Variants in C3orf33 observed in about 807,000 individuals in gnomAD.
The protein encoded by C3orf33 is mitochondrial inner membrane subdomain organizer 1, also known as AP-1 activity suppressor.
C3orf33 carries 23 observed loss-of-function variants against 28.7 expected under a neutral mutation model. The observed-to-expected ratio is 0.80, with a 90% confidence interval of 0.58 to 1.13. The LOEUF is 1.13. C3orf33 is among the 50% of genes most tolerant of loss of function. The pLI, the probability that C3orf33 is intolerant of heterozygous loss-of-function variation, is 0.00. For missense variants in C3orf33, 327 were observed against 353.4 expected (o/e 0.93, Z 0.60); for synonymous variants, 119 against 120.5 (o/e 0.99, Z 0.08).
At chr3:155,802,711 G>T in intron 1 of C3orf33, 120 bp from the exon 2 acceptor site, 1 of 683,270 alleles carries the variant, frequency 1.5e-6, no homozygotes, top group South Asian at 1.9e-5. Context: ...TATAAACAAT[G>T]TATGTCTTTC....
At chr3:155,793,829 T>TAAAAAAAA (rs1751391618) in intron 2 of C3orf33, among the ~76,000 whole-genome samples, 1,580 of 84,380 alleles carry the variant, frequency 0.019, 301 homozygotes, top group South Asian at 0.029. Flanking sequence ...AAAAAAAAAC[T>TAAAAAAAA]AAAAAAACTA....
At chr3:155,805,158 T>A (rs1751771559) in intron 1 of C3orf33, among the ~76,000 whole-genome samples, 1 of 141,784 alleles carries the variant, frequency 7.1e-6, no homozygotes, top group South Asian at 2.2e-4. Flanking sequence ...GTGCTTCACT[T>A]AAAAAAAAAA....
chr3:155,793,825 AAACT>A (rs1301136295), intron 2 of C3orf33, among the ~76,000 whole-genome samples: 5 of 104,442 alleles, frequency 4.8e-5, no homozygotes, highest in African/African-American at 1.5e-4. Flanking sequence ...AAAAAAAAAA[AAACT>A]AAAAAAACTA....
intron 3 of C3orf33, among the ~76,000 whole-genome samples, chr3:155,775,447 C>T (rs1229577473): frequency 6.6e-6 from 1 of 151,194 alleles, no homozygotes; most frequent in African/African-American, 2.4e-5. Context: ...CGAAATTGCA[C>T]CATTGCACTC....
intron 2 of C3orf33, among the ~76,000 whole-genome samples, chr3:155,789,629 A>G (rs1751250420): frequency 6.6e-6 from 1 of 152,162 alleles, no homozygotes; most frequent in African/African-American, 2.4e-5. Flanking sequence ...CCTCAAATTC[A>G]TGTGGAATCA....
chr3:155,785,718 C>T (rs1299885334), intron 2 of C3orf33, among the ~76,000 whole-genome samples: 1 of 152,060 alleles, frequency 6.6e-6, no homozygotes, highest in Non-Finnish European at 1.5e-5. Context: ...AAATGTGTAA[C>T]TGTAAATGCT....
intron 2 of C3orf33, among the ~76,000 whole-genome samples, chr3:155,778,141 C>CAAAAAAAAAAAAAAAAAAAAAAAAAAAA (rs55700532): frequency 1.3e-5 from 1 of 75,788 alleles, no homozygotes; most frequent in Non-Finnish European, 2.3e-5. Flanking sequence ...AACTCCATTT[C>CAAAAAAAAAAAAAAAAAAAAAAAAAAAA]AAAAAAAAAA....
intron 2 of C3orf33, among the ~76,000 whole-genome samples, chr3:155,796,885 A>T (rs1434498343): frequency 6.6e-6 from 1 of 152,242 alleles, no homozygotes; most frequent in East Asian, 1.9e-4. Flanking sequence ...GATGTGATAC[A>T]TCATATTGAC....
chr3:155,764,580 C>T (rs1220662805), intron 4 of C3orf33, among the ~76,000 whole-genome samples: 5 of 151,220 alleles, frequency 3.3e-5, no homozygotes, highest in African/African-American at 4.9e-5. Context: ...TGGCGGGGCG[C>T]GGTGGCTCAT....
At chr3:155,793,580 A>T (rs1282578673) in intron 2 of C3orf33, among the ~76,000 whole-genome samples, 3 of 151,820 alleles carry the variant, frequency 2.0e-5, no homozygotes. Context: ...GAGGCCGAGG[A>T]GGGCAGATAA....
chr3:155,763,437 A>G lies in C3orf33; in HGVS notation c.*80T>C. On this transcript the variant is annotated 3_prime_UTR_variant, in exon 5 of 5. Coordinates refer to ENST00000340171, the MANE Select transcript of C3orf33 (RefSeq NM_001308229.2). The stretch of plus-strand genomic sequence containing the variant: ...ACTTTGATCATTTGGCAAAACTTCC[A>G]TTTTGATTCAATGAAAAACGTCCAT... 1.8e-6 allele frequency: 2 copies of G among 1,116,008 alleles called. No homozygotes were observed. The highest frequency in any genetic ancestry group is 2.9e-5 in the East Asian group (1 of 34,202). The allele number at this position is 1,116,008 out of a possible 1,614,324, so 69.1% of individuals were successfully genotyped here. A position where few individuals can be genotyped will look rare whatever the true frequency, so the allele number is the denominator to read the frequency against.
At chr3:155,793,014 T>C (rs1284443717) in intron 2 of C3orf33, among the ~76,000 whole-genome samples, 1 of 151,946 alleles carries the variant, frequency 6.6e-6, no homozygotes, top group African/African-American at 2.4e-5. Context: ...CGAAAGACGA[T>C]CACTACAACA....
chr3:155,779,419 T>G (rs1358046177), intron 2 of C3orf33, among the ~76,000 whole-genome samples: 1 of 152,090 alleles, frequency 6.6e-6, no homozygotes, highest in African/African-American at 2.4e-5. Context: ...TGCAGCCTCC[T>G]GAGTAGCTGG....
intron 2 of C3orf33, among the ~76,000 whole-genome samples, chr3:155,800,640 A>C (rs1193389766): frequency 7.2e-6 from 1 of 139,604 alleles, no homozygotes; most frequent in African/African-American, 2.7e-5. Context: ...AAAAAAAAAA[A>C]AGGCAACATA....
chr3:155,773,939 T>C (rs1408094068), intron 3 of C3orf33, among the ~76,000 whole-genome samples: 1 of 152,218 alleles, frequency 6.6e-6, no homozygotes, highest in Non-Finnish European at 1.5e-5. Flanking sequence ...TAAGTTCTCT[T>C]TGGTTTATTA....
At position 155,802,433 on chromosome 3, in the gene C3orf33, C is replaced by T. The variant is rs192160169; in HGVS notation, c.174+99G>A. ...AAATACTATTTAAAAGCTACCAATA[C>T]GAGTAACAATATGATACACTGTTTG... On this transcript the variant is annotated intron_variant, in intron 2 of 4. Transcript: ENST00000340171. 3.9e-5 allele frequency: 33 copies of T among 840,698 alleles called. No homozygotes were observed. In the East Asian group the frequency reaches 6.3e-4, roughly 16 times the overall value. The allele number at this position is 840,698 out of a possible 1,614,324, so 52.1% of individuals were successfully genotyped here. A position where few individuals can be genotyped will look rare whatever the true frequency, so the allele number is the denominator to read the frequency against.
chr3:155,789,607 A>G (rs1366217180), intron 2 of C3orf33, among the ~76,000 whole-genome samples: 1 of 152,062 alleles, frequency 6.6e-6, no homozygotes, highest in African/African-American at 2.4e-5. Flanking sequence ...TTTCAGAAAT[A>G]GGAAAATCCA....
chr3:155,805,515 T>C (rs1751783213), intron 1 of C3orf33: 2 of 412,228 alleles, frequency 4.9e-6, no homozygotes, highest in African/African-American at 4.2e-5. Flanking sequence ...AGGCCAGGAG[T>C]TGGAGGACAG....
chr3:155,778,159 A>AAAC (rs1750809118), intron 2 of C3orf33, among the ~76,000 whole-genome samples: 2 of 151,686 alleles, frequency 1.3e-5, no homozygotes, highest in Non-Finnish European at 1.5e-5. Context: ...AAAAAAAAAA[A>AAAC]AAAACAAGTA....
Sources: allele counts gnomAD v4.1 joint callset (sites outside exome capture counted in the v4.1 genomes callset), GRCh38; gene constraint gnomAD v4.1.1; transcripts MANE v1.5; gene names NCBI Gene and HGNC (gene_info 2026-07-23, HGNC 2026-07-21).